The following VWC2L variants were observed in gnomAD, a reference collection of about 807,000 sequenced individuals.
VWC2L encodes von Willebrand factor C domain-containing protein 2-like.
Under a neutral mutation model 21.6 loss-of-function variants are expected in VWC2L, and 10 were observed. That is an observed-to-expected ratio of 0.46 (90% CI 0.29 to 0.78). The LOEUF (loss-of-function observed/expected upper bound fraction) is 0.78, where lower values mean the gene tolerates loss of function less well. VWC2L is among the 30% of genes least tolerant of loss of function. The probability of loss-of-function intolerance (pLI) is 0.10; values close to 1 mark genes in which losing one functional copy is unlikely to be tolerated. For synonymous variants in VWC2L, 96 were observed against 94.3 expected (o/e 1.02, Z -0.10); for missense variants, 209 against 277.1 (o/e 0.75, Z 1.74).
chr2:214,485,764 G>A (rs1688664734), intron 3 of VWC2L, among the ~76,000 whole-genome samples: 1 of 152,132 alleles, frequency 6.6e-6, no homozygotes, highest in Non-Finnish European at 1.5e-5. Context: ...ACTACTCTGG[G>A]AGATCCTTGA....
At chr2:214,440,238 A>C (rs1702744611) in intron 3 of VWC2L, among the ~76,000 whole-genome samples, 1 of 152,060 alleles carries the variant, frequency 6.6e-6, no homozygotes, top group Non-Finnish European at 1.5e-5. Flanking sequence ...ACATAATAGG[A>C]GGAAAAAGAT....
chr2:214,500,916 G>A (rs544440632), intron 3 of VWC2L, among the ~76,000 whole-genome samples: 1 of 152,282 alleles, frequency 6.6e-6, no homozygotes, highest in East Asian at 1.9e-4. Context: ...ACTCACTCTT[G>A]ATGAAACTAT....
chr2:214,514,157 G>GT (rs5838439), intron 3 of VWC2L, among the ~76,000 whole-genome samples: 123 of 148,630 alleles, frequency 8.3e-4, no homozygotes, highest in African/African-American at 8.9e-4. Flanking sequence ...CATATCAAAG[G>GT]TTTTTTTTTT....
At chr2:214,492,587 C>T (rs1005296538) in intron 3 of VWC2L, among the ~76,000 whole-genome samples, 1 of 152,028 alleles carries the variant, frequency 6.6e-6, no homozygotes, top group African/African-American at 2.4e-5. Flanking sequence ...TTGGTGAGGA[C>T]GTTAAAATGA....
intron 3 of VWC2L, among the ~76,000 whole-genome samples, chr2:214,532,439 T>C (rs937755640): frequency 1.3e-5 from 2 of 152,158 alleles, no homozygotes; most frequent in Non-Finnish European, 2.9e-5. Flanking sequence ...CCCCAAGCAT[T>C]ACATGAGTAG....
chr2:214,525,250 C>T (rs1189408030), intron 3 of VWC2L: 1 of 152,016 alleles, frequency 6.6e-6, no homozygotes, highest in African/African-American at 2.4e-5. Flanking sequence ...AGCAATGAAC[C>T]TCAGGCCTGG....
intron 2 of VWC2L, among the ~76,000 whole-genome samples, chr2:214,431,269 G>T (rs967952080): frequency 1.3e-5 from 2 of 152,158 alleles, no homozygotes; most frequent in Admixed American, 1.3e-4. Flanking sequence ...AATGAGATTT[G>T]TTCCTTAAAG....
At chr2:214,423,470 C>T (rs1047863945) in intron 2 of VWC2L, among the ~76,000 whole-genome samples, 1 of 152,000 alleles carries the variant, frequency 6.6e-6, no homozygotes, top group Non-Finnish European at 1.5e-5. Flanking sequence ...ATTTTACTAC[C>T]TTCAGGTTTA....
chr2:214,560,965 T>C (rs1309007876), intron 3 of VWC2L, among the ~76,000 whole-genome samples: 3 of 152,210 alleles, frequency 2.0e-5, no homozygotes, highest in Admixed American at 1.3e-4. Context: ...GCTGAATTCA[T>C]TGCCTTTTGG....
chr2:214,519,588 G>T (rs1256034136), intron 3 of VWC2L, among the ~76,000 whole-genome samples: 2 of 152,180 alleles, frequency 1.3e-5, no homozygotes, highest in Non-Finnish European at 2.9e-5. Flanking sequence ...AACAGGAACT[G>T]GCCACAACAG....
chr2:214,506,402 A>G (rs1435419250), intron 3 of VWC2L, among the ~76,000 whole-genome samples: 3 of 152,198 alleles, frequency 2.0e-5, no homozygotes, highest in Non-Finnish European at 4.4e-5. Context: ...TCAAATTGAG[A>G]TTTGTATTTC....
At chr2:214,445,931 T>G (rs1702831328) in intron 3 of VWC2L, among the ~76,000 whole-genome samples, 1 of 152,176 alleles carries the variant, frequency 6.6e-6, no homozygotes, top group Non-Finnish European at 1.5e-5. Context: ...TTCAACACCT[T>G]TAACTATGAG....
intron 3 of VWC2L, among the ~76,000 whole-genome samples, chr2:214,481,013 G>C (rs925952720): frequency 1.2e-4 from 19 of 152,008 alleles, no homozygotes; most frequent in African/African-American, 3.4e-4. Context: ...CTAAAGTACT[G>C]AGCTAAGTGG....
intron 3 of VWC2L, among the ~76,000 whole-genome samples, chr2:214,481,453 T>A (rs796736856): frequency 5.3e-5 from 8 of 152,342 alleles, no homozygotes; most frequent in African/African-American, 1.9e-4. Flanking sequence ...TCTTGAAATC[T>A]GAGCTCTTTA....
At chr2:214,465,743 C>T (rs1372865364) in intron 3 of VWC2L, among the ~76,000 whole-genome samples, 1 of 152,082 alleles carries the variant, frequency 6.6e-6, no homozygotes, top group African/African-American at 2.4e-5. Flanking sequence ...TATTTAGGAC[C>T]CCTAAGCACT....
chr2:214,548,319 A>T (rs1434659362), intron 3 of VWC2L, among the ~76,000 whole-genome samples: 2 of 152,196 alleles, frequency 1.3e-5, no homozygotes, highest in Non-Finnish European at 2.9e-5. Context: ...ATTTAAAAAA[A>T]TTTTGTGCCA....
intron 3 of VWC2L, among the ~76,000 whole-genome samples, chr2:214,457,520 A>C (rs1427946358): frequency 6.6e-6 from 1 of 152,070 alleles, no homozygotes; most frequent in East Asian, 1.9e-4. Flanking sequence ...GGATTCAAGT[A>C]CTGCGTTGAG....
intron 3 of VWC2L, among the ~76,000 whole-genome samples, chr2:214,477,322 G>A (rs905659696): frequency 2.6e-5 from 4 of 152,176 alleles, no homozygotes; most frequent in Non-Finnish European, 1.5e-5. Context: ...CATTTCTCTG[G>A]GAGCCATAGC....
intron 3 of VWC2L, among the ~76,000 whole-genome samples, chr2:214,448,768 C>T (rs1248742665): frequency 6.6e-6 from 1 of 152,174 alleles, no homozygotes; most frequent in East Asian, 1.9e-4. Context: ...CTGAAACATA[C>T]CAGGGCTTAA....
Sources: allele counts gnomAD v4.1 joint callset (sites outside exome capture counted in the v4.1 genomes callset), GRCh38; gene constraint gnomAD v4.1.1; transcripts MANE v1.5; gene names NCBI Gene and HGNC (gene_info 2026-07-23, HGNC 2026-07-21).